SLC44A3: variants seen among roughly 807,000 people sequenced by gnomAD.
SLC44A3 encodes the protein solute carrier family 44 member 3.
SLC44A3 carries 74 observed loss-of-function variants against 75.4 expected under a neutral mutation model. That is an observed-to-expected ratio of 0.98 (90% CI 0.81 to 1.19). The LOEUF is 1.19. Ranked by LOEUF, SLC44A3 falls within the 50% of genes most tolerant of loss-of-function variation. The pLI, the probability that SLC44A3 is intolerant of heterozygous loss-of-function variation, is 0.00. For missense variants in SLC44A3, 700 were observed against 778.6 expected (o/e 0.90, Z 1.20); for synonymous variants, 310 against 296.9 (o/e 1.04, Z -0.45).
At chr1:94,850,383 C>T (rs182580215) in intron 9 of SLC44A3, among the ~76,000 whole-genome samples, 155 of 152,258 alleles carry the variant, frequency 1.0e-3, no homozygotes, top group Middle Eastern at 6.8e-3. Context: ...ACCTGGTCAC[C>T]TCCAGTGTTC....
chr1:94,836,658 G>A (rs1337506285), intron 5 of SLC44A3: 1 of 152,054 alleles, frequency 6.6e-6, no homozygotes, highest in Admixed American at 6.5e-5. Context: ...GCTCATGCCT[G>A]TAATCCCAAT....
At chr1:94,845,560 C>T (rs775674954) in intron 9 of SLC44A3, 96 bp downstream of exon 9, 2 of 1,214,938 alleles carry the variant, frequency 1.6e-6, no homozygotes, top group Non-Finnish European at 2.2e-6. Flanking sequence ...CCTAACCCCT[C>T]ATTGAGCCAG....
Position 94,891,137 on chromosome 1 carries a change from A to G in SLC44A3, c.1490A>G (p.Tyr497Cys). The G allele has an allele frequency of 6.2e-7, 1 of 1,601,546 alleles. No homozygotes were observed. Among genetic ancestry groups the G allele is most frequent in the Non-Finnish European group, 8.5e-7 (1 of 1,176,310 alleles). Residue 497 changes from tyrosine (Y) to cysteine (C), a missense_variant, in exon 13 of 15, where the codon TAT (tyrosine) becomes TGT (cysteine). Physicochemically the swap from Tyr to Cys is radical, Grantham distance 194 (BLOSUM62 -2). Coordinates refer to ENST00000271227, the MANE Select transcript of SLC44A3 (RefSeq NM_001114106.3). The stretch of plus-strand genomic sequence containing the variant: ...AATTCTCTTCTGTTTCAGAATGCAT[A>G]TACTACAACTGCTATTAATGGGACA... ...KYLLHLNQNA[Y>C]TTTAINGTDF...
intron 3 of SLC44A3, among the ~76,000 whole-genome samples, chr1:94,825,475 C>T (rs1015388800): frequency 6.6e-5 from 10 of 152,144 alleles, no homozygotes; most frequent in South Asian, 4.2e-4. Flanking sequence ...GGACTGCAGG[C>T]GCCCGCCACC....
intron 10 of SLC44A3, among the ~76,000 whole-genome samples, chr1:94,862,650 C>T (rs984391368): frequency 6.6e-6 from 1 of 152,160 alleles, no homozygotes; most frequent in African/African-American, 2.4e-5. Context: ...ATGCTAGAGT[C>T]GCCTTACCCT....
chr1:94,895,111 T>C lies in SLC44A3; in HGVS notation c.*189T>C. 2.0e-6 allele frequency: 1 copy of C among 512,554 alleles called. No homozygotes were observed. Among genetic ancestry groups the C allele is most frequent in the Non-Finnish European group, 3.5e-6 (1 of 282,332 alleles). The allele number at this position is 512,554 out of a possible 1,614,324, so 31.8% of individuals were successfully genotyped here. ...AATACTGGAACTATATTAGTTTACC[T>C]TTTTTTGTACAAATTAGGACAGAAA... is the stretch of plus-strand genomic sequence containing the variant. On this transcript the variant is annotated 3_prime_UTR_variant, in exon 15 of 15. Transcript: ENST00000271227.
chr1:94,845,036 C>T (rs116762410), intron 8 of SLC44A3, among the ~76,000 whole-genome samples: 2,515 of 152,158 alleles, frequency 0.017, 49 homozygotes, highest in African/African-American at 0.057. Flanking sequence ...ACTACAAGGC[C>T]CTTTATGGAG....
At chr1:94,878,731 A>G (rs1668602859) in intron 12 of SLC44A3, among the ~76,000 whole-genome samples, 1 of 152,246 alleles carries the variant, frequency 6.6e-6, no homozygotes, top group African/African-American at 2.4e-5. Flanking sequence ...ACTGTGCTAC[A>G]TAGATCTATA....
Position 94,892,408 on chromosome 1 carries a change from T to C in SLC44A3, c.1748T>C (p.Leu583Ser). 2 of 1,614,204 alleles carry C rather than the reference T, an allele frequency of 1.2e-6. No homozygotes were observed. The highest frequency in any genetic ancestry group is 1.7e-6 in the Non-Finnish European group (2 of 1,180,038). ...GCCTACTTAGTAGCCCATAGTTTTT[T>C]ATCTGTGTTTGAAACTGTGCTGGAT... ...FFAYLVAHSF[L>S]SVFETVLDAL... Residue 583 changes from leucine to serine, a missense_variant, in exon 14 of 15, where the codon TTA (leucine) becomes TCA (serine). Leu to Ser is a moderately radical substitution (Grantham distance 145). Transcript: ENST00000271227.
intron 9 of SLC44A3, 94 bp downstream of exon 9, chr1:94,845,558 C>T: frequency 8.2e-7 from 1 of 1,219,214 alleles, no homozygotes; most frequent in Admixed American, 2.7e-5. Flanking sequence ...CACCTAACCC[C>T]TCATTGAGCC....
rs754306886 is a variant in SLC44A3, at chr1:94,845,328, A to G, written c.936A>G (p.Thr312=). 9.9e-6 allele frequency: 16 copies of G among 1,613,814 alleles called. No homozygotes were observed. The highest frequency in any genetic ancestry group is 8.5e-7 in the Non-Finnish European group (1 of 1,179,944). The change falls in exon 9 of 15, where the codon ACA becomes ACG. Residue 312 remains threonine (T), a synonymous_variant. Coordinates refer to ENST00000271227, the MANE Select transcript of SLC44A3 (RefSeq NM_001114106.3). ...IFVLRKRIKL[T]VELFQITNKA... ...TTCTCAGAAAGAGAATAAAATTGACAGTTGAGCTTTTCCAAATCACAAATA... is the reference window on the plus strand; with the variant it reads ...TTCTCAGAAAGAGAATAAAATTGACGGTTGAGCTTTTCCAAATCACAAATA...
At chr1:94,861,549 G>T (rs1210422925) in intron 10 of SLC44A3, among the ~76,000 whole-genome samples, 1 of 152,120 alleles carries the variant, frequency 6.6e-6, no homozygotes, top group African/African-American at 2.4e-5. Flanking sequence ...AACACACAAT[G>T]ATTTATTTTT....
chr1:94,849,289 A>G (rs1664878942), intron 9 of SLC44A3, among the ~76,000 whole-genome samples: 1 of 152,186 alleles, frequency 6.6e-6, no homozygotes, highest in African/African-American at 2.4e-5. Flanking sequence ...TATGGGAGGC[A>G]TCTATGAGCA....
chr1:94,860,032 T>C (rs1372407088), intron 10 of SLC44A3, among the ~76,000 whole-genome samples: 1 of 152,220 alleles, frequency 6.6e-6, no homozygotes, highest in Non-Finnish European at 1.5e-5. Flanking sequence ...GCCTCACTCT[T>C]CAATTTGAAC....
intron 14 of SLC44A3, 42 bp downstream of exon 14, chr1:94,892,559 C>A: frequency 6.3e-7 from 1 of 1,577,104 alleles, no homozygotes; most frequent in Non-Finnish European, 8.7e-7. Context: ...TCCATGCTCG[C>A]AATCTTGAAA....
chr1:94,850,145 T>C (rs943965242), intron 9 of SLC44A3, among the ~76,000 whole-genome samples: 2 of 152,212 alleles, frequency 1.3e-5, no homozygotes, highest in Non-Finnish European at 2.9e-5. Flanking sequence ...ATTTTTCTAA[T>C]GACTGTTAAT....
intron 11 of SLC44A3, among the ~76,000 whole-genome samples, chr1:94,865,721 G>GT (rs1283401437): frequency 1.3e-5 from 2 of 152,184 alleles, no homozygotes; most frequent in Non-Finnish European, 2.9e-5. Flanking sequence ...CTTAGAGTTG[G>GT]TGACTTGGTC....
intron 12 of SLC44A3, among the ~76,000 whole-genome samples, chr1:94,889,941 C>T (rs1344867540): frequency 2.0e-5 from 3 of 152,030 alleles, no homozygotes; most frequent in Non-Finnish European, 4.4e-5. Context: ...AACTCCGCCT[C>T]CCGGGTTCAA....
intron 12 of SLC44A3, among the ~76,000 whole-genome samples, chr1:94,884,261 A>G (rs1419639615): frequency 7.0e-6 from 1 of 143,404 alleles, no homozygotes; most frequent in Non-Finnish European, 1.5e-5. Context: ...CATCCTGGTG[A>G]CCGGTGCATT....
Sources: gnomAD v4.1 joint callset for allele counts (sites outside exome capture counted in the v4.1 genomes callset) on GRCh38, gnomAD v4.1.1 for gene constraint, MANE v1.5 for transcripts, NCBI Gene and HGNC (gene_info 2026-07-23, HGNC 2026-07-21) for gene names.